Variants in ENTREP2 observed in about 807,000 individuals in gnomAD.
The protein encoded by ENTREP2 is endosomal transmembrane epsin interactor 2.
At chr15:29,475,821 C>G in the ENTREP2 span, among the ~76,000 whole-genome samples, 1 of 152,234 alleles carries the variant, frequency 6.6e-6, no homozygotes, top group East Asian at 1.9e-4. Context: ...CCAGGCAGGC[C>G]TTCCCGAGAG....
chr15:29,595,016 C>T, the ENTREP2 span, among the ~76,000 whole-genome samples: 1 of 133,612 alleles, frequency 7.5e-6, no homozygotes, highest in African/African-American at 2.9e-5. Context: ...TGGAGTGAGC[C>T]GAGATCACGC....
chr15:29,595,093 AAAAAT>A, the ENTREP2 span, among the ~76,000 whole-genome samples: 3 of 145,944 alleles, frequency 2.1e-5, no homozygotes, highest in African/African-American at 7.8e-5. Context: ...AAAAAAAAAA[AAAAAT>A]TTAAAATTAG....
chr15:29,138,702 C>T, the ENTREP2 span, among the ~76,000 whole-genome samples: 16 of 149,344 alleles, frequency 1.1e-4, no homozygotes, highest in East Asian at 1.2e-3. Flanking sequence ...TGTGTGTATG[C>T]GTGTGTGTGT....
the ENTREP2 span, among the ~76,000 whole-genome samples, chr15:29,321,900 A>T: frequency 2.0e-5 from 3 of 152,022 alleles, no homozygotes; most frequent in Non-Finnish European, 2.9e-5. Context: ...TGATGGATTG[A>T]TAGGTGCAGC....
chr15:29,255,692 A>G, the ENTREP2 span, among the ~76,000 whole-genome samples: 1 of 152,052 alleles, frequency 6.6e-6, no homozygotes, highest in East Asian at 1.9e-4. Context: ...ATGGAATACT[A>G]CGCAACCATA....
chr15:29,476,839 C>T, the ENTREP2 span, among the ~76,000 whole-genome samples: 137 of 152,308 alleles, frequency 9.0e-4, no homozygotes, highest in Non-Finnish European at 1.9e-3. Context: ...GCGATGCCAC[C>T]ACCCTGGAAA....
chr15:29,616,131 G>A, the ENTREP2 span, among the ~76,000 whole-genome samples: 1 of 152,236 alleles, frequency 6.6e-6, no homozygotes, highest in Non-Finnish European at 1.5e-5. Flanking sequence ...CAGCAGTTTT[G>A]CAAACATCAG....
At chr15:29,176,042 G>C in the ENTREP2 span, among the ~76,000 whole-genome samples, 1 of 152,248 alleles carries the variant, frequency 6.6e-6, no homozygotes, top group African/African-American at 2.4e-5. Flanking sequence ...AAGCTAAAAA[G>C]AATGAAGAGA....
the ENTREP2 span, among the ~76,000 whole-genome samples, chr15:29,526,620 C>A: frequency 6.6e-6 from 1 of 151,918 alleles, no homozygotes; most frequent in East Asian, 1.9e-4. Context: ...TGTCACCACA[C>A]CTGGCTACTA....
At chr15:29,665,852 CT>C in the ENTREP2 span, among the ~76,000 whole-genome samples, 571 of 131,076 alleles carry the variant, frequency 4.4e-3, 3 homozygotes, top group African/African-American at 0.011. Context: ...TTTACATCAT[CT>C]TTTTTTTTTT....
At chr15:29,425,215 T>G in the ENTREP2 span, among the ~76,000 whole-genome samples, 9 of 150,322 alleles carry the variant, frequency 6.0e-5, no homozygotes, top group African/African-American at 2.0e-4. Flanking sequence ...TTTTTTGTAT[T>G]TTTTAATAGA....
At chr15:29,389,901 A>T in the ENTREP2 span, among the ~76,000 whole-genome samples, 1 of 149,616 alleles carries the variant, frequency 6.7e-6, no homozygotes, top group African/African-American at 2.5e-5. Context: ...CACAGACTTC[A>T]CTCCCCCCAC....
chr15:29,298,814 A>G, the ENTREP2 span, among the ~76,000 whole-genome samples: 1 of 152,206 alleles, frequency 6.6e-6, no homozygotes, highest in Non-Finnish European at 1.5e-5. Flanking sequence ...CCAGTCTTAC[A>G]TGAACTCTTC....
the ENTREP2 span, among the ~76,000 whole-genome samples, chr15:29,323,592 A>G: frequency 6.6e-6 from 1 of 152,112 alleles, no homozygotes; most frequent in Non-Finnish European, 1.5e-5. Context: ...GGGAACCCCA[A>G]ATGAAAGCTG....
chr15:29,298,131 A>C, the ENTREP2 span, among the ~76,000 whole-genome samples: 2 of 152,124 alleles, frequency 1.3e-5, no homozygotes, highest in African/African-American at 4.8e-5. Context: ...ACCTATGTTC[A>C]CAAATTAATA....
the ENTREP2 span, among the ~76,000 whole-genome samples, chr15:29,568,639 G>A: frequency 6.6e-6 from 1 of 151,418 alleles, no homozygotes; most frequent in Admixed American, 6.6e-5. Context: ...AGCAGTTCCA[G>A]GCTGCCGTGA....
the ENTREP2 span, among the ~76,000 whole-genome samples, chr15:29,573,144 TTTTATTTA>T: frequency 6.6e-6 from 1 of 152,158 alleles, no homozygotes; most frequent in African/African-American, 2.4e-5. Flanking sequence ...AATTGATTTG[TTTTATTTA>T]TTTATTTAAG....
chr15:29,338,497 CCT>C, the ENTREP2 span, among the ~76,000 whole-genome samples: 1 of 151,930 alleles, frequency 6.6e-6, no homozygotes, highest in Non-Finnish European at 1.5e-5. Context: ...GAGGTCAGCC[CCT>C]GAGAGGGCTC....
At chr15:29,665,858 T>C in the ENTREP2 span, among the ~76,000 whole-genome samples, 1 of 150,780 alleles carries the variant, frequency 6.6e-6, no homozygotes, top group Non-Finnish European at 1.5e-5. Context: ...TCATCTTTTT[T>C]TTTTTTTTTT....
Sources: gnomAD v4.1 joint callset for allele counts (sites outside exome capture counted in the v4.1 genomes callset) on GRCh38, gnomAD v4.1.1 for gene constraint, MANE v1.5 for transcripts, NCBI Gene and HGNC (gene_info 2026-07-23, HGNC 2026-07-21) for gene names.